The following BMPR1B variants were observed in gnomAD, a reference collection of about 807,000 sequenced individuals.
BMPR1B encodes the protein bone morphogenetic protein receptor type 1B, also known as bone morphogenetic protein receptor type-1B.
A neutral mutation model predicts 59.1 loss-of-function variants in BMPR1B; 12 were observed. That is an observed-to-expected ratio of 0.20 (90% CI 0.13 to 0.33). BMPR1B has a LOEUF of 0.33. Among genes scored for constraint, BMPR1B ranks in the 10% least tolerant of loss-of-function variants. BMPR1B has a pLI of 1.00. For missense variants in BMPR1B, 550 were observed against 610.9 expected, an observed-to-expected ratio of 0.90 and a Z score of 1.05; for synonymous variants, 237 against 207.3, an observed-to-expected ratio of 1.14 and a Z score of -1.23.
At chr4:94,837,301 G>A (rs1335521711) in intron 1 of BMPR1B, among the ~76,000 whole-genome samples, 3 of 149,514 alleles carry the variant, frequency 2.0e-5, no homozygotes, top group Admixed American at 6.7e-5. Context: ...GTGAAGAAAG[G>A]CATTGGTAGC....
intron 4 of BMPR1B, among the ~76,000 whole-genome samples, chr4:95,106,861 T>C (rs1005389541): frequency 6.6e-6 from 1 of 152,018 alleles, no homozygotes; most frequent in African/African-American, 2.4e-5. Flanking sequence ...TGCTGCACTC[T>C]GCTGGGATTA....
At chr4:94,782,456 G>A (rs1722625893) in intron 1 of BMPR1B, among the ~76,000 whole-genome samples, 1 of 151,652 alleles carries the variant, frequency 6.6e-6, no homozygotes, top group Non-Finnish European at 1.5e-5. Context: ...AGGTGCATGT[G>A]ACCATACCTG....
intron 2 of BMPR1B, among the ~76,000 whole-genome samples, chr4:94,988,407 AT>A (rs1245923216): frequency 5.3e-5 from 8 of 152,100 alleles, no homozygotes; most frequent in Non-Finnish European, 1.0e-4. Flanking sequence ...TTTATTAAAC[AT>A]AGTTGTTTTA....
At chr4:94,795,611 G>A (rs972375850) in intron 1 of BMPR1B, among the ~76,000 whole-genome samples, 1 of 151,956 alleles carries the variant, frequency 6.6e-6, no homozygotes, top group Admixed American at 6.6e-5. Context: ...TTATAGGTGT[G>A]TACCACCACA....
At chr4:94,828,298 T>C (rs1051571812) in intron 1 of BMPR1B, among the ~76,000 whole-genome samples, 1 of 152,232 alleles carries the variant, frequency 6.6e-6, no homozygotes, top group African/African-American at 2.4e-5. Flanking sequence ...GTGCCTGATC[T>C]GAAGTTGAGA....
intron 3 of BMPR1B, among the ~76,000 whole-genome samples, chr4:95,049,441 T>TGCAG (rs1726288407): frequency 4.3e-5 from 1 of 23,290 alleles, no homozygotes; most frequent in Admixed American, 5.8e-4. Context: ...TTTTTTTTTT[T>TGCAG]TTTTTTTTTT....
intron 3 of BMPR1B, among the ~76,000 whole-genome samples, chr4:95,064,090 A>G (rs1727618876): frequency 6.6e-6 from 1 of 152,322 alleles, no homozygotes; most frequent in South Asian, 2.1e-4. Context: ...ATTTATAGGT[A>G]TAGATAAATA....
intron 1 of BMPR1B, among the ~76,000 whole-genome samples, chr4:94,821,505 A>G (rs1273719715): frequency 6.6e-6 from 1 of 152,142 alleles, no homozygotes; most frequent in Non-Finnish European, 1.5e-5. Context: ...AATTCATACA[A>G]AAGAGTTAGG....
In BMPR1B at chr4:94,990,863, C is replaced by T. The variant is rs191766560; in HGVS notation, c.-112-5177C>T. Among the ~76,000 whole-genome samples the T allele has an allele frequency of 1.5e-4, 23 of 152,238 alleles. No individual in the cohort carries two copies. In the East Asian group the frequency reaches 3.1e-3, roughly 20 times the overall value. On this transcript the variant is annotated intron_variant, in intron 2 of 12. Coordinates refer to ENST00000515059, the MANE Select transcript of BMPR1B (RefSeq NM_001203.3). ...ATTACCCCATCCTTTTTCTTTTCTT[C>T]GTGGCCGAACTTTTTGAAAGAGTGA...
chr4:95,116,637 A>C (rs1482535397), intron 6 of BMPR1B, among the ~76,000 whole-genome samples: 1 of 149,268 alleles, frequency 6.7e-6, no homozygotes, highest in African/African-American at 2.5e-5. Context: ...TTTTTTTGAG[A>C]CAGGGTCTTG....
At chr4:94,855,018 T>G (rs1725702939) in intron 1 of BMPR1B, among the ~76,000 whole-genome samples, 1 of 152,176 alleles carries the variant, frequency 6.6e-6, no homozygotes, top group South Asian at 2.1e-4. Flanking sequence ...ATATATTGGA[T>G]GGCACCAACC....
rs558985697 is a variant in BMPR1B at position 94,771,620 on chromosome 4, C to T, written c.-183+13552C>T. Among the ~76,000 whole-genome samples the T allele has an allele frequency of 2.0e-5, 3 of 152,250 alleles. No homozygotes were observed. In the South Asian group the frequency reaches 6.2e-4, roughly 32 times the overall value. The stretch of plus-strand genomic sequence containing the variant: ...AATATATGGAAAAATATATTTTGAA[C>T]TTTAAATGATGTAATCTCCCTTATT... On this transcript the variant is annotated intron_variant, in intron 1 of 12. Transcript: ENST00000515059.
At chr4:95,122,209 T>A (rs1177726364) in intron 6 of BMPR1B, among the ~76,000 whole-genome samples, 1 of 152,044 alleles carries the variant, frequency 6.6e-6, no homozygotes, top group Admixed American at 6.6e-5. Context: ...TGGTGGCTCG[T>A]ACCTGTGATC....
rs747917337 is a variant in BMPR1B, at chr4:95,103,974, G to T, written c.-17-434G>T. Among the ~76,000 whole-genome samples, 61 of 152,142 alleles carry T rather than the reference G, an allele frequency of 4.0e-4. 1 individual carries two copies. Among genetic ancestry groups the T allele is most frequent in the Non-Finnish European group, 1.2e-4 (8 of 67,958 alleles). ...ATGGTAGATAGACAGTTTTAAAGCT[G>T]AAACAATTTGAGTTTAAATGCTGGG... is the stretch of plus-strand genomic sequence containing the variant. On this transcript the variant is annotated intron_variant, in intron 3 of 12. Coordinates refer to ENST00000515059, the MANE Select transcript of BMPR1B (RefSeq NM_001203.3).
intron 1 of BMPR1B, among the ~76,000 whole-genome samples, chr4:94,778,183 A>G (rs1722453445): frequency 6.6e-6 from 1 of 152,206 alleles, no homozygotes; most frequent in African/African-American, 2.4e-5. Flanking sequence ...CCTCTTATGC[A>G]TTCCTCAGTT....
At chr4:94,865,818 A>C (rs563078031) in intron 1 of BMPR1B, among the ~76,000 whole-genome samples, 11 of 152,198 alleles carry the variant, frequency 7.2e-5, no homozygotes, top group Non-Finnish European at 1.6e-4. Flanking sequence ...CATGCATTAC[A>C]TAACAGACTC....
chr4:94,979,326 GAC>G (rs1443885862), intron 2 of BMPR1B, among the ~76,000 whole-genome samples: 1 of 152,172 alleles, frequency 6.6e-6, no homozygotes, highest in African/African-American at 2.4e-5. Flanking sequence ...GATGTTGACA[GAC>G]ACAGAATCTT....
At chr4:94,974,460 G>A (rs1344272841) in intron 2 of BMPR1B, among the ~76,000 whole-genome samples, 1 of 151,740 alleles carries the variant, frequency 6.6e-6, no homozygotes, top group African/African-American at 2.4e-5. Flanking sequence ...ATCCCTCATT[G>A]CCTTCCCAAC....
At chr4:94,896,407 AC>A (rs1249517999) in intron 2 of BMPR1B, among the ~76,000 whole-genome samples, 1 of 152,010 alleles carries the variant, frequency 6.6e-6, no homozygotes, top group African/African-American at 2.4e-5. Context: ...ATGTTTTAAT[AC>A]CCTGAGTTTG....
Sources: gnomAD v4.1 joint callset for allele counts (sites outside exome capture counted in the v4.1 genomes callset) on GRCh38, gnomAD v4.1.1 for gene constraint, MANE v1.5 for transcripts, NCBI Gene and HGNC (gene_info 2026-07-23, HGNC 2026-07-21) for gene names.